Variants in PTPRO observed in about 807,000 individuals in gnomAD.
PTPRO encodes protein tyrosine phosphatase receptor type O.
A neutral mutation model predicts 145.2 loss-of-function variants in PTPRO; 62 were observed. The observed-to-expected ratio is 0.43, with a 90% CI of 0.35 to 0.53. The LOEUF is 0.53. Ranked by LOEUF, PTPRO falls within the 20% of genes least tolerant of loss-of-function variation. PTPRO has a pLI of 0.01. For synonymous variants in PTPRO, 565 were observed against 514.7 expected, an observed-to-expected ratio of 1.10 and a Z score of -1.32; for missense variants, 1,345 against 1,482.7, an observed-to-expected ratio of 0.91 and a Z score of 1.53.
At chr12:15,530,828 A>G (rs1304601168) in intron 12 of PTPRO, among the ~76,000 whole-genome samples, 1 of 152,162 alleles carries the variant, frequency 6.6e-6, no homozygotes, top group African/African-American at 2.4e-5. Flanking sequence ...CTAGAAAAGC[A>G]AAAGCAAACC....
intron 1 of PTPRO, among the ~76,000 whole-genome samples, chr12:15,431,809 A>T (rs1053076143): frequency 6.6e-6 from 1 of 152,122 alleles, no homozygotes; most frequent in Non-Finnish European, 1.5e-5. Flanking sequence ...TATGATTCTT[A>T]TTTTATTATT....
chr12:15,375,105 T>C (rs930119364), intron 1 of PTPRO, among the ~76,000 whole-genome samples: 1 of 152,218 alleles, frequency 6.6e-6, no homozygotes, highest in Non-Finnish European at 1.5e-5. Flanking sequence ...GAGACTTCAG[T>C]TGTTGCCCAA....
chr12:15,433,171 CT>C (rs55746632), intron 1 of PTPRO, among the ~76,000 whole-genome samples: 4,885 of 103,628 alleles, frequency 0.047, 216 homozygotes, highest in East Asian at 0.18. Context: ...CAGTTTGGGG[CT>C]TTTTTTTTTT....
At chr12:15,392,664 T>C (rs1223662629) in intron 1 of PTPRO, among the ~76,000 whole-genome samples, 1 of 140,820 alleles carries the variant, frequency 7.1e-6, no homozygotes, top group Non-Finnish European at 1.5e-5. Flanking sequence ...GAGGTTTCCA[T>C]GTGCTAAGAT....
intron 1 of PTPRO, among the ~76,000 whole-genome samples, chr12:15,366,059 G>A (rs1172968800): frequency 6.6e-6 from 1 of 152,068 alleles, no homozygotes; most frequent in Non-Finnish European, 1.5e-5. Context: ...CCAGCCAGGT[G>A]CAATATAACA....
rs1036473255 is a variant in PTPRO at position 15,418,647 on chromosome 12, T to C, written c.76-65327T>C. 8.6e-5 allele frequency among the ~76,000 whole-genome samples: 13 copies of C among 151,770 alleles called. 1 individual carries two copies. Among genetic ancestry groups the C allele is most frequent in the African/African-American group, 3.2e-4 (13 of 41,092 alleles). On this transcript the variant is annotated intron_variant, in intron 1 of 26. Transcript: ENST00000281171. Reference sequence around the variant, plus strand: ...AAGGGGATTCCTGGCAAGGAGAACATGGAATTTTGTGGAATGCACAGAATG... The same window carrying C: ...AAGGGGATTCCTGGCAAGGAGAACACGGAATTTTGTGGAATGCACAGAATG...
intron 1 of PTPRO, among the ~76,000 whole-genome samples, chr12:15,444,607 C>G (rs113634316): frequency 6.8e-6 from 1 of 147,708 alleles, no homozygotes; most frequent in Admixed American, 6.9e-5. Flanking sequence ...TTTGCCGAAA[C>G]GTAATCCCCA....
chr12:15,497,433 G>C (rs933893435), intron 3 of PTPRO, 30 bp downstream of exon 3: 4 of 1,605,708 alleles, frequency 2.5e-6, no homozygotes, highest in Middle Eastern at 3.3e-4. Flanking sequence ...CTGAATCAAT[G>C]ATGACCCTCA....
At chr12:15,345,564 C>A (rs1057336593) in intron 1 of PTPRO, among the ~76,000 whole-genome samples, 1 of 151,938 alleles carries the variant, frequency 6.6e-6, no homozygotes, top group Non-Finnish European at 1.5e-5. Flanking sequence ...ACAATGAGAA[C>A]ATATGGACAC....
chr12:15,533,351 A>T (rs1291269110), intron 12 of PTPRO, among the ~76,000 whole-genome samples: 1 of 152,192 alleles, frequency 6.6e-6, no homozygotes, highest in East Asian at 1.9e-4. Flanking sequence ...TGTAGACAAG[A>T]CAATCTTTTT....
At chr12:15,595,112 A>T (rs1404516652) in intron 26 of PTPRO, 55 bp downstream of exon 26, 1 of 1,145,396 alleles carries the variant, frequency 8.7e-7, no homozygotes, top group Non-Finnish European at 1.3e-6. Context: ...TTAGAGGGGG[A>T]TGTGATGGAT....
intron 2 of PTPRO, among the ~76,000 whole-genome samples, chr12:15,487,272 TG>T (rs1301419103): frequency 6.6e-6 from 1 of 152,160 alleles, no homozygotes; most frequent in Non-Finnish European, 1.5e-5. Flanking sequence ...ATTAAATCCA[TG>T]GGTCAGAGAG....
In PTPRO at chr12:15,332,238, T is replaced by C. The variant is rs185460300; in HGVS notation, c.75+9437T>C. 2.0e-5 allele frequency among the ~76,000 whole-genome samples: 3 copies of C among 152,334 alleles called. No individual in the cohort carries two copies. The East Asian group carries it at 5.8e-4, about 29-fold the overall frequency. On this transcript the variant is annotated intron_variant, in intron 1 of 26. Transcript: ENST00000281171. ...AATATGCTCTAAGAAACAATATTTA[T>C]GCTTATATGATAGATGCTTTGTTTA...
intron 17 of PTPRO, among the ~76,000 whole-genome samples, chr12:15,564,589 C>A (rs939043011): frequency 2.0e-5 from 3 of 152,124 alleles, no homozygotes; most frequent in African/African-American, 7.2e-5. Context: ...CTTCGTCCTG[C>A]TAAAAGCTTT....
rs1489899172 is a variant in PTPRO at position 15,569,339 on chromosome 12, AG to A, written c.2748-77del. 3 of 1,226,638 alleles carry A rather than the reference AG, an allele frequency of 2.4e-6. No individual in the cohort carries two copies. In the African/African-American group the frequency reaches 4.6e-5, roughly 19 times the overall value. The allele number at this position is 1,226,638 out of a possible 1,614,324, so 76.0% of individuals were successfully genotyped here. A position where few individuals can be genotyped will look rare whatever the true frequency, so the allele number is the denominator to read the frequency against. On this transcript the variant is annotated intron_variant, in intron 18 of 26. Transcript: ENST00000281171. ...TCTATTTTCTCCAAGAAGATTAAGA[AG>A]TATGATATTAAACAATATATAATAC... is the stretch of plus-strand genomic sequence containing the variant.
intron 10 of PTPRO, among the ~76,000 whole-genome samples, chr12:15,524,233 G>C (rs1364015243): frequency 1.3e-5 from 2 of 149,154 alleles, no homozygotes; most frequent in African/African-American, 4.9e-5. Flanking sequence ...TTTATTAAGA[G>C]CCTGTTTTCT....
At chr12:15,476,409 GTTGT>G (rs1941655112) in intron 1 of PTPRO, among the ~76,000 whole-genome samples, 2 of 151,910 alleles carry the variant, frequency 1.3e-5, no homozygotes, top group South Asian at 2.1e-4. Context: ...TTTTGATGGG[GTTGT>G]TTGTTTTTTT....
rs183589064 is a variant in PTPRO, at chr12:15,584,335, A to G, written c.3255+2534A>G. 1.2e-3 allele frequency among the ~76,000 whole-genome samples: 179 copies of G among 152,346 alleles called. 1 individual carries two copies. The highest frequency in any genetic ancestry group is 4.1e-3 in the African/African-American group (171 of 41,578). ...CTGTTTTTTGTTCTTAGATATTTCAATTGAAAAGCCAGTGCAAACTGATAA... is the reference window on the plus strand; with the variant it reads ...CTGTTTTTTGTTCTTAGATATTTCAGTTGAAAAGCCAGTGCAAACTGATAA... On this transcript the variant is annotated intron_variant, in intron 23 of 26. Coordinates refer to ENST00000281171, the MANE Select transcript of PTPRO (RefSeq NM_030667.3).
chr12:15,580,835 C>A lies in PTPRO; in HGVS notation c.3132+4C>A. ...TCAGTGTAATGAGAAAAGGAGGGTA[C>A]GTACTTACTGAAACTGCTCCCACTT... On this transcript the variant is annotated splice_donor_region_variant and intron_variant, in intron 22 of 26. Coordinates refer to ENST00000281171, the MANE Select transcript of PTPRO (RefSeq NM_030667.3). The A allele has an allele frequency of 6.2e-7, 1 of 1,613,776 alleles. No individual in the cohort carries two copies. Among genetic ancestry groups the A allele is most frequent in the African/African-American group, 1.3e-5 (1 of 75,024 alleles).
Sources: allele counts gnomAD v4.1 joint callset (sites outside exome capture counted in the v4.1 genomes callset), GRCh38; gene constraint gnomAD v4.1.1; transcripts MANE v1.5; gene names NCBI Gene and HGNC (gene_info 2026-07-23, HGNC 2026-07-21).